Variants in CLPB observed in about 807,000 individuals in gnomAD.
The protein encoded by CLPB is ClpB family mitochondrial disaggregase.
In CLPB, 40 loss-of-function variants were observed where a neutral mutation model predicts 78.4. The observed-to-expected ratio is 0.51, with a 90% CI of 0.40 to 0.66. The LOEUF (loss-of-function observed/expected upper bound fraction) is 0.66, where lower values mean the gene tolerates loss of function less well. Ranked by LOEUF, CLPB falls within the 30% of genes least tolerant of loss-of-function variation. The probability of loss-of-function intolerance (pLI) is 0.00; values close to 1 mark genes in which losing one functional copy is unlikely to be tolerated. For synonymous variants in CLPB, 333 were observed against 348.0 expected (o/e 0.96, Z 0.48); for missense variants, 780 against 886.9 (o/e 0.88, Z 1.53).
intron 4 of CLPB, chr11:72,373,033 G>A: frequency 6.2e-7 from 1 of 1,611,426 alleles, no homozygotes; most frequent in African/African-American, 1.3e-5. Context: ...ACAGAGATGG[G>A]GAGGTCAGCT....
intron 7 of CLPB, among the ~76,000 whole-genome samples, chr11:72,313,958 C>T (rs540034777): frequency 5.0e-4 from 76 of 152,310 alleles, no homozygotes; most frequent in Middle Eastern, 3.4e-3. Context: ...GGTGGAACTG[C>T]AAGCAGTTTT....
At chr11:72,428,622 C>G (rs1565103142) in intron 2 of CLPB, among the ~76,000 whole-genome samples, 1 of 152,144 alleles carries the variant, frequency 6.6e-6, no homozygotes, top group Non-Finnish European at 1.5e-5. Flanking sequence ...CCTCGCTCAT[C>G]TCTGATGTCC....
intron 6 of CLPB, among the ~76,000 whole-genome samples, chr11:72,321,085 T>G (rs746785778): frequency 6.6e-6 from 1 of 151,712 alleles, no homozygotes; most frequent in Non-Finnish European, 1.5e-5. Context: ...ATACTTGAGA[T>G]ATATATATAT....
At chr11:72,421,372 G>A (rs775828793) in intron 2 of CLPB, among the ~76,000 whole-genome samples, 10 of 151,942 alleles carry the variant, frequency 6.6e-5, no homozygotes, top group East Asian at 1.9e-4. Flanking sequence ...TATCTAATTC[G>A]ACATGAGACA....
intron 6 of CLPB, among the ~76,000 whole-genome samples, chr11:72,319,013 G>A (rs1417863002): frequency 6.6e-6 from 1 of 152,232 alleles, no homozygotes; most frequent in African/African-American, 2.4e-5. Context: ...GGCCATGGAA[G>A]GAGCCTGAAG....
At position 72,434,094 on chromosome 11, in the gene CLPB, G is replaced by A; in HGVS notation, c.381C>T (p.Tyr127=). ...ALAAALVVHC[Y]SKSPSNKDAA... ...CACCCTTGTTGGACGGACTCTTGCTGTAGCAATGAACCACCAGCGCTGCGG... is the reference window on the plus strand; with the variant it reads ...CACCCTTGTTGGACGGACTCTTGCTATAGCAATGAACCACCAGCGCTGCGG... Residue 127 remains tyrosine (Y), a synonymous_variant, in exon 1 of 16, where the codon TAC becomes TAT. Transcript: ENST00000538039. The A allele has an allele frequency of 4.3e-6, 7 of 1,611,358 alleles. No individual in the cohort carries two copies. The highest frequency in any genetic ancestry group is 5.9e-6 in the Non-Finnish European group (7 of 1,179,996).
intron 5 of CLPB, among the ~76,000 whole-genome samples, chr11:72,346,180 G>A (rs1294047637): frequency 2.0e-5 from 3 of 152,256 alleles, no homozygotes; most frequent in Admixed American, 6.5e-5. Context: ...CCAGCTACAC[G>A]GGAGGCTGAG....
chr11:72,294,057 T>A lies in CLPB; in HGVS notation c.1750A>T (p.Asn584Tyr). ...ATGGAGCGGGCGCCATAGTGCACATTGTAGCCGTCGACCAGCACATCTGCC... is the reference window on the plus strand; with the variant it reads ...ATGGAGCGGGCGCCATAGTGCACATAGTAGCCGTCGACCAGCACATCTGCC... The part of the protein sequence containing the change: ...EVADVLVDGY[N>Y]VHYGARSIKH... The change falls in exon 15 of 16, where the codon AAT (asparagine) becomes TAT (tyrosine). Residue 584 changes from asparagine to tyrosine, a missense_variant. Coordinates refer to ENST00000538039, the MANE Select transcript of CLPB (RefSeq NM_001258392.3). 1 of 1,614,122 alleles carries A rather than the reference T, an allele frequency of 6.2e-7. No individual in the cohort carries two copies. The highest frequency in any genetic ancestry group is 8.5e-7 in the Non-Finnish European group (1 of 1,180,010).
intron 2 of CLPB, chr11:72,408,028 C>G: frequency 1.0e-6 from 1 of 1,002,306 alleles, no homozygotes; most frequent in Non-Finnish European, 1.5e-6. Flanking sequence ...CAATGAGGAT[C>G]ACAATCCTCC....
intron 3 of CLPB, among the ~76,000 whole-genome samples, chr11:72,402,270 C>G (rs1855585879): frequency 6.6e-6 from 1 of 152,042 alleles, no homozygotes; most frequent in Non-Finnish European, 1.5e-5. Flanking sequence ...CAAAAAAACC[C>G]CAAAACCCAA....
At chr11:72,317,246 G>A (rs1315464910) in intron 6 of CLPB, 26 bp from the exon 7 acceptor site, 3 of 1,556,844 alleles carry the variant, frequency 1.9e-6, no homozygotes, top group African/African-American at 1.4e-5. Flanking sequence ...GCAAATGGTT[G>A]AGGGCTGCCG....
At chr11:72,362,448 A>G (rs1950857559) in intron 4 of CLPB, among the ~76,000 whole-genome samples, 1 of 152,208 alleles carries the variant, frequency 6.6e-6, no homozygotes, top group African/African-American at 2.4e-5. Flanking sequence ...ATCAACAAAT[A>G]AACACATCAA....
At chr11:72,295,888 A>G (rs1949543060) in intron 11 of CLPB, among the ~76,000 whole-genome samples, 1 of 152,246 alleles carries the variant, frequency 6.6e-6, no homozygotes, top group African/African-American at 2.4e-5. Flanking sequence ...GTGAGGCTGC[A>G]GTTGCTCTCT....
At chr11:72,341,894 T>C (rs1035724749) in intron 5 of CLPB, among the ~76,000 whole-genome samples, 2 of 152,180 alleles carry the variant, frequency 1.3e-5, no homozygotes, top group Non-Finnish European at 2.9e-5. Flanking sequence ...TTTTGTGAGA[T>C]GGAGGCTGGT....
intron 5 of CLPB, chr11:72,357,246 C>T (rs1039461156): frequency 6.6e-6 from 1 of 152,190 alleles, no homozygotes; most frequent in Non-Finnish European, 1.5e-5. Flanking sequence ...GTGCGTGTTC[C>T]TGGGAAGTTC....
chr11:72,316,032 A>T (rs923281770), intron 7 of CLPB, among the ~76,000 whole-genome samples: 1 of 152,162 alleles, frequency 6.6e-6, no homozygotes, highest in African/African-American at 2.4e-5. Context: ...ATGGCTCTGA[A>T]CATTATCATT....
chr11:72,323,538 G>C (rs1034136390), intron 6 of CLPB, among the ~76,000 whole-genome samples: 222 of 146,252 alleles, frequency 1.5e-3, no homozygotes, highest in Non-Finnish European at 4.2e-4. Flanking sequence ...CTGCACTCCA[G>C]CCTGGTGACA....
At chr11:72,305,926 C>T (rs1949738755) in intron 9 of CLPB, among the ~76,000 whole-genome samples, 4 of 152,204 alleles carry the variant, frequency 2.6e-5, no homozygotes. Context: ...TAAAATTAAA[C>T]CACTCAGAAT....
chr11:72,370,137 C>T (rs183731289), intron 4 of CLPB, among the ~76,000 whole-genome samples: 197 of 152,170 alleles, frequency 1.3e-3, no homozygotes, highest in African/African-American at 4.6e-3. Flanking sequence ...GTGTGGGACC[C>T]GTCCCTGATT....
Sources: gnomAD v4.1 joint callset for allele counts (sites outside exome capture counted in the v4.1 genomes callset) on GRCh38, gnomAD v4.1.1 for gene constraint, MANE v1.5 for transcripts, NCBI Gene and HGNC (gene_info 2026-07-23, HGNC 2026-07-21) for gene names.